Variants in GALNT18 observed in about 807,000 individuals in gnomAD.
GALNT18 encodes the protein polypeptide N-acetylgalactosaminyltransferase 18.
Under a neutral mutation model 69.5 loss-of-function variants are expected in GALNT18, and 44 were observed. The ratio of observed to expected loss-of-function variants is 0.63; its 90% CI spans 0.50 to 0.81. The LOEUF is 0.81. GALNT18 is among the 40% of genes least tolerant of loss of function. GALNT18 has a pLI of 0.00. For missense variants in GALNT18, 715 were observed against 810.0 expected, an observed-to-expected ratio of 0.88 and a Z score of 1.42; for synonymous variants, 364 against 318.2, an observed-to-expected ratio of 1.14 and a Z score of -1.53.
intron 9 of GALNT18, among the ~76,000 whole-genome samples, chr11:11,297,374 C>T (rs4075679): frequency 0.57 from 87,094 of 152,050 alleles, 25,549 homozygotes; most frequent in African/African-American, 0.66. Flanking sequence ...CCTTACCTTA[C>T]AGACGAGAAA....
intron 3 of GALNT18, among the ~76,000 whole-genome samples, chr11:11,410,654 C>A (rs1424849632): frequency 6.6e-6 from 1 of 152,148 alleles, no homozygotes; most frequent in African/African-American, 2.4e-5. Flanking sequence ...TGAAAGTCTG[C>A]TTTGCTTTGC....
intron 1 of GALNT18, among the ~76,000 whole-genome samples, chr11:11,518,779 C>T (rs952103225): frequency 1.3e-5 from 2 of 152,220 alleles, no homozygotes; most frequent in African/African-American, 2.4e-5. Flanking sequence ...AAGTGTTAGT[C>T]ATAGAAGATG....
At chr11:11,549,070 G>C (rs1858130702) in intron 1 of GALNT18, among the ~76,000 whole-genome samples, 2 of 152,280 alleles carry the variant, frequency 1.3e-5, no homozygotes, top group South Asian at 4.2e-4. Flanking sequence ...AAGAGAAAGT[G>C]GTATATGTAA....
At chr11:11,476,537 T>A (rs1346360259) in intron 1 of GALNT18, 1 of 152,176 alleles carries the variant, frequency 6.6e-6, no homozygotes. Flanking sequence ...TCATAAAGCA[T>A]TGCCCAGCAC....
chr11:11,403,922 G>A (rs1198841572), intron 3 of GALNT18, among the ~76,000 whole-genome samples: 3 of 152,234 alleles, frequency 2.0e-5, no homozygotes, highest in African/African-American at 7.2e-5. Context: ...ACCCAGCCCT[G>A]CTGCCAGCAG....
chr11:11,285,295 TCC>T (rs1849172271), intron 10 of GALNT18, among the ~76,000 whole-genome samples: 1 of 152,160 alleles, frequency 6.6e-6, no homozygotes, highest in Non-Finnish European at 1.5e-5. Context: ...ACTTAATCTC[TCC>T]ATGCCTCAGT....
At position 11,349,290 on chromosome 11, in the gene GALNT18, G is replaced by T. The variant is rs551830942; in HGVS notation, c.1093-8286C>A. 6.6e-5 allele frequency among the ~76,000 whole-genome samples: 10 copies of T among 152,152 alleles called. 1 individual carries two copies. Among genetic ancestry groups the T allele is most frequent in the Admixed American group, 5.2e-4 (8 of 15,280 alleles). ...TGTGTCTCCTGGTGCACGAGAGTGGGCAGGCCTCCATGTATTTATCTCACT... is the reference window on the plus strand; with the variant it reads ...TGTGTCTCCTGGTGCACGAGAGTGGTCAGGCCTCCATGTATTTATCTCACT... On this transcript the variant is annotated intron_variant, in intron 6 of 10. Coordinates refer to ENST00000227756, the MANE Select transcript of GALNT18 (RefSeq NM_198516.3).
In GALNT18 at chr11:11,621,485, C is replaced by A. The variant is rs1860191924; in HGVS notation, c.109G>T (p.Ala37Ser). Residue 37 changes from alanine to serine, a missense_variant, in exon 1 of 11, where the codon GCC becomes TCC. Coordinates refer to ENST00000227756, the MANE Select transcript of GALNT18 (RefSeq NM_198516.3). This position sits in a 1 kb window ranked among gnomAD's most constrained non-coding sequence, Gnocchi z 9.3. The part of the protein sequence containing the change: ...LYVGWVTNYI[A>S]SVYVRGQEPA... ...TCCTGCCCCCGCACATACACGCTGG[C>A]GATGTAGTTGGTGACCCAGCCCACG... The A allele has an allele frequency of 1.2e-6, 2 of 1,614,038 alleles. No homozygotes were observed. Among genetic ancestry groups the A allele is most frequent in the African/African-American group, 1.3e-5 (1 of 74,926 alleles).
chr11:11,366,662 T>C (rs1850776792), intron 6 of GALNT18, among the ~76,000 whole-genome samples: 1 of 152,066 alleles, frequency 6.6e-6, no homozygotes, highest in Non-Finnish European at 1.5e-5. Flanking sequence ...AGATGAAAGG[T>C]ACTGCCATTG....
At chr11:11,400,048 G>A (rs1198542231) in intron 3 of GALNT18, among the ~76,000 whole-genome samples, 1 of 152,198 alleles carries the variant, frequency 6.6e-6, no homozygotes, top group East Asian at 1.9e-4. Context: ...GAATATGGCA[G>A]CAGTGGAAGT....
chr11:11,469,428 C>T lies in GALNT18; in HGVS notation c.236-20492G>A, dbSNP rs1264606745. Among the ~76,000 whole-genome samples, 2 of 152,198 alleles carry T rather than the reference C, an allele frequency of 1.3e-5. No individual in the cohort carries two copies. Among genetic ancestry groups the T allele is most frequent in the Non-Finnish European group, 2.9e-5 (2 of 68,044 alleles). On this transcript the variant is annotated intron_variant, in intron 1 of 10. Coordinates refer to ENST00000227756, the MANE Select transcript of GALNT18 (RefSeq NM_198516.3). The surrounding 1 kb of genome is among the most constrained non-coding windows in gnomAD (Gnocchi z 4.2). ...CTTTTACAGGGTCCAGTACAGATCT[C>T]CATGGCAGAGACAGGCTGCTGCAGG...
At chr11:11,612,558 A>G (rs1469965993) in intron 1 of GALNT18, among the ~76,000 whole-genome samples, 4 of 152,344 alleles carry the variant, frequency 2.6e-5, no homozygotes, top group East Asian at 3.9e-4. Flanking sequence ...CTGTCTTGCC[A>G]GAGTCCCTGA....
At chr11:11,276,452 T>C (rs185196209) in intron 10 of GALNT18, among the ~76,000 whole-genome samples, 4 of 152,308 alleles carry the variant, frequency 2.6e-5, no homozygotes, top group Admixed American at 1.3e-4. Context: ...GTTTTCTAAA[T>C]ATACAATCAT....
rs941345488 is a variant in GALNT18 at position 11,327,023 on chromosome 11, T to C, written c.1512+63A>G. On this transcript the variant is annotated intron_variant, in intron 9 of 10. Transcript: ENST00000227756. ...CCTTCCCCATGACAGAGCCTAGCTC[T>C]CCTTCCCCATGCCAGGCACTCATAT... 6.6e-6 allele frequency: 8 copies of C among 1,206,150 alleles called. No homozygotes were observed. The African/African-American group carries it at 1.2e-4, about 18-fold the overall frequency. The allele number at this position is 1,206,150 out of a possible 1,614,324, so 74.7% of individuals were successfully genotyped here. A position where few individuals can be genotyped will look rare whatever the true frequency, so the allele number is the denominator to read the frequency against.
At position 11,496,720 on chromosome 11, in the gene GALNT18, C is replaced by T. The variant is rs1306375899; in HGVS notation, c.236-47784G>A. On this transcript the variant is annotated intron_variant, in intron 1 of 10. Coordinates refer to ENST00000227756, the MANE Select transcript of GALNT18 (RefSeq NM_198516.3). This position sits in a 1 kb window ranked among gnomAD's most constrained non-coding sequence, Gnocchi z 4.0. ...AGCCTCGGTTTCCTTGTGAGGATCC[C>T]CCACTACTCTGAATCCACCCACCTG... Among the ~76,000 whole-genome samples, 1 of 152,040 alleles carries T rather than the reference C, an allele frequency of 6.6e-6. No individual in the cohort carries two copies. The highest frequency in any genetic ancestry group is 1.5e-5 in the Non-Finnish European group (1 of 67,996).
chr11:11,411,889 G>T (rs117385496), intron 3 of GALNT18, among the ~76,000 whole-genome samples: 4 of 152,334 alleles, frequency 2.6e-5, no homozygotes, highest in East Asian at 1.9e-4. Context: ...CCGAGGCAAG[G>T]CTGGAATTTT....
intron 8 of GALNT18, among the ~76,000 whole-genome samples, chr11:11,330,263 T>C (rs1849995320): frequency 6.6e-6 from 1 of 152,194 alleles, no homozygotes; most frequent in Non-Finnish European, 1.5e-5. Context: ...GGGCATGAGT[T>C]GGAACAGAAA....
At chr11:11,317,326 T>C (rs1038282997) in intron 9 of GALNT18, among the ~76,000 whole-genome samples, 3 of 152,226 alleles carry the variant, frequency 2.0e-5, no homozygotes, top group Non-Finnish European at 2.9e-5. Flanking sequence ...TGTCCCTTTG[T>C]CCAGCCCAAG....
intron 1 of GALNT18, among the ~76,000 whole-genome samples, chr11:11,515,349 C>CG (rs1273754838): frequency 1.2e-3 from 94 of 77,640 alleles, no homozygotes; most frequent in South Asian, 5.5e-3. Flanking sequence ...CAAAAAAGGG[C>CG]GGGGGGGATG....
Sources: allele counts gnomAD v4.1 joint callset (sites outside exome capture counted in the v4.1 genomes callset), GRCh38; gene constraint gnomAD v4.1.1; non-coding constraint Gnocchi (gnomAD v3.1); transcripts MANE v1.5; gene names NCBI Gene and HGNC (gene_info 2026-07-23, HGNC 2026-07-21).